The following MYO5A variants were observed in gnomAD, a reference collection of about 807,000 sequenced individuals.
MYO5A encodes unconventional myosin-Va.
MYO5A carries 98 observed loss-of-function variants against 249.7 expected under a neutral mutation model. The observed-to-expected ratio is 0.39, with a 90% CI of 0.33 to 0.46. MYO5A has a LOEUF of 0.46. Among genes scored for constraint, MYO5A ranks in the 20% least tolerant of loss-of-function variants. The probability of loss-of-function intolerance (pLI) is 0.98; values close to 1 mark genes in which losing one functional copy is unlikely to be tolerated. For synonymous variants in MYO5A, 778 were observed against 810.6 expected (o/e 0.96, Z 0.68); for missense variants, 1,696 against 2,308.8 (o/e 0.73, Z 5.44).
chr15:52,400,131 C>A (rs1189328992), intron 9 of MYO5A, among the ~76,000 whole-genome samples: 4 of 152,082 alleles, frequency 2.6e-5, no homozygotes, highest in African/African-American at 9.7e-5. Flanking sequence ...TACTTTTCAA[C>A]ATTTGTTTTT....
chr15:52,434,685 C>T (rs888211794), intron 1 of MYO5A, among the ~76,000 whole-genome samples: 2 of 152,184 alleles, frequency 1.3e-5, no homozygotes, highest in Non-Finnish European at 2.9e-5. Context: ...ACAAATCTTT[C>T]GAATACCACA....
At chr15:52,485,726 C>T (rs1167954612) in intron 1 of MYO5A, among the ~76,000 whole-genome samples, 1 of 152,096 alleles carries the variant, frequency 6.6e-6, no homozygotes, top group Non-Finnish European at 1.5e-5. Context: ...TAAACATACA[C>T]TTTTGGTAGA....
At chr15:52,519,496 C>T (rs2077567841) in intron 1 of MYO5A, among the ~76,000 whole-genome samples, 1 of 151,934 alleles carries the variant, frequency 6.6e-6, no homozygotes, top group Admixed American at 6.6e-5. Context: ...CTTACAGTCC[C>T]GGTTACTCAG....
chr15:52,320,104 T>C (rs1002359049), intron 38 of MYO5A, among the ~76,000 whole-genome samples: 1 of 152,192 alleles, frequency 6.6e-6, no homozygotes, highest in Non-Finnish European at 1.5e-5. Flanking sequence ...GGCCCTTCCT[T>C]ATTCTGGGTT....
chr15:52,323,322 A>G, intron 37 of MYO5A, 33 bp downstream of exon 37: 2 of 1,532,902 alleles, frequency 1.3e-6, no homozygotes, highest in South Asian at 2.2e-5. Context: ...GAGAAAGTAT[A>G]GCATGCTGGT....
chr15:52,420,033 T>C (rs565877558), intron 4 of MYO5A, among the ~76,000 whole-genome samples: 134 of 152,200 alleles, frequency 8.8e-4, no homozygotes, highest in African/African-American at 3.1e-3. Context: ...AGGCCAGGCA[T>C]GGTGGCTCAC....
intron 4 of MYO5A, among the ~76,000 whole-genome samples, chr15:52,418,621 G>T (rs1199433228): frequency 6.6e-6 from 1 of 152,050 alleles, no homozygotes; most frequent in African/African-American, 2.4e-5. Context: ...TCATATATAT[G>T]ATCATTAGGA....
At chr15:52,355,702 G>C (rs1567047054) in intron 25 of MYO5A, among the ~76,000 whole-genome samples, 1 of 152,076 alleles carries the variant, frequency 6.6e-6, no homozygotes, top group Non-Finnish European at 1.5e-5. Flanking sequence ...TACATAGCTT[G>C]TCTTAGGTAT....
intron 2 of MYO5A, among the ~76,000 whole-genome samples, chr15:52,432,555 T>A (rs916788839): frequency 6.6e-6 from 1 of 152,244 alleles, no homozygotes; most frequent in African/African-American, 2.4e-5. Context: ...AACTACTTAA[T>A]GACTTTGAAG....
intron 22 of MYO5A, among the ~76,000 whole-genome samples, chr15:52,367,660 ACTGAAGAG>A (rs921616680): frequency 5.9e-5 from 9 of 152,242 alleles, no homozygotes; most frequent in Admixed American, 5.9e-4. Context: ...TGGGAAATTC[ACTGAAGAG>A]CTTTTGATTC....
intron 1 of MYO5A, among the ~76,000 whole-genome samples, chr15:52,499,448 T>C (rs906448082): frequency 1.6e-4 from 25 of 152,224 alleles, no homozygotes; most frequent in African/African-American, 6.0e-4. Context: ...AACTTTTTCA[T>C]CTTCCAAAAC....
At chr15:52,326,299 A>C (rs2038602424) in intron 36 of MYO5A, among the ~76,000 whole-genome samples, 1 of 152,258 alleles carries the variant, frequency 6.6e-6, no homozygotes, top group Non-Finnish European at 1.5e-5. Context: ...TTTATGATTT[A>C]GTTTTTTCTC....
At chr15:52,517,637 G>C (rs1455479387) in intron 1 of MYO5A, among the ~76,000 whole-genome samples, 3 of 152,192 alleles carry the variant, frequency 2.0e-5, no homozygotes, top group African/African-American at 2.4e-5. Context: ...CTTGAACCCA[G>C]GAAGCAGAGG....
chr15:52,458,119 G>A (rs891867238), intron 1 of MYO5A, among the ~76,000 whole-genome samples: 9 of 152,204 alleles, frequency 5.9e-5, no homozygotes, highest in Non-Finnish European at 1.2e-4. Flanking sequence ...TGTGGCAGTA[G>A]AGGGATAAAG....
intron 14 of MYO5A, among the ~76,000 whole-genome samples, chr15:52,384,778 T>C (rs1181887934): frequency 6.6e-6 from 1 of 152,238 alleles, no homozygotes; most frequent in African/African-American, 2.4e-5. Context: ...TTTATTTGTC[T>C]ACCTACTAAC....
intron 4 of MYO5A, among the ~76,000 whole-genome samples, chr15:52,419,398 A>G (rs937178220): frequency 6.6e-6 from 1 of 152,130 alleles, no homozygotes; most frequent in Non-Finnish European, 1.5e-5. Flanking sequence ...TGAGACTTTA[A>G]TCTCTCTCTT....
At chr15:52,522,841 TA>T (rs11367026) in intron 1 of MYO5A, among the ~76,000 whole-genome samples, 122,338 of 136,250 alleles carry the variant, frequency 0.9, 55,874 homozygotes, top group East Asian at 0.99. Flanking sequence ...TTTCATTATT[TA>T]AAAAAAAAAA....
At chr15:52,429,093 G>A (rs1287653520) in intron 2 of MYO5A, among the ~76,000 whole-genome samples, 2 of 152,112 alleles carry the variant, frequency 1.3e-5, no homozygotes, top group South Asian at 4.1e-4. Context: ...TAAGTACTTA[G>A]GAATCCTTAA....
At chr15:52,334,568 A>G (rs2039030318) in intron 34 of MYO5A, among the ~76,000 whole-genome samples, 1 of 152,240 alleles carries the variant, frequency 6.6e-6, no homozygotes. Flanking sequence ...ATTTCTAAAC[A>G]AATATTTCAG....
Sources: gnomAD v4.1 joint callset for allele counts (sites outside exome capture counted in the v4.1 genomes callset) on GRCh38, gnomAD v4.1.1 for gene constraint, MANE v1.5 for transcripts, NCBI Gene and HGNC (gene_info 2026-07-23, HGNC 2026-07-21) for gene names.